MECOM: variants seen among roughly 807,000 people sequenced by gnomAD.
The protein encoded by MECOM is MDS1 and EVI1 complex locus.
MECOM carries 13 observed loss-of-function variants against 116.3 expected under a neutral mutation model. The observed-to-expected ratio is 0.11, with a 90% CI of 0.07 to 0.18. The LOEUF (loss-of-function observed/expected upper bound fraction) is 0.18, where lower values mean the gene tolerates loss of function less well. Among genes scored for constraint, MECOM ranks in the 10% least tolerant of loss-of-function variants. MECOM has a pLI of 1.00. For missense variants in MECOM, 1,299 were observed against 1,509.0 expected, an observed-to-expected ratio of 0.86 and a Z score of 2.31; for synonymous variants, 528 against 535.2, an observed-to-expected ratio of 0.99 and a Z score of 0.19.
intron 2 of MECOM, among the ~76,000 whole-genome samples, chr3:169,335,532 G>T (rs1433069897): frequency 6.6e-6 from 1 of 152,076 alleles, no homozygotes; most frequent in African/African-American, 2.4e-5. Context: ...TTGTTCCAGG[G>T]AAAGCAGAGA....
intron 1 of MECOM, among the ~76,000 whole-genome samples, chr3:169,574,582 C>T (rs976032865): frequency 3.9e-5 from 6 of 152,310 alleles, no homozygotes; most frequent in African/African-American, 1.4e-4. Flanking sequence ...GGTAATTTCA[C>T]TTTTTGTGAC....
At chr3:169,547,721 C>T (rs995742172) in intron 1 of MECOM, among the ~76,000 whole-genome samples, 1 of 152,066 alleles carries the variant, frequency 6.6e-6, no homozygotes, top group Non-Finnish European at 1.5e-5. Context: ...CTAGATCATC[C>T]TGGATTTAGG....
chr3:169,249,207 T>C (rs1288841182), intron 2 of MECOM, among the ~76,000 whole-genome samples: 2 of 152,152 alleles, frequency 1.3e-5, no homozygotes, highest in Non-Finnish European at 2.9e-5. Context: ...AATGAACCAA[T>C]AAACACCTAA....
intron 1 of MECOM, among the ~76,000 whole-genome samples, chr3:169,601,101 G>A (rs1767784089): frequency 6.6e-6 from 1 of 152,186 alleles, no homozygotes; most frequent in Non-Finnish European, 1.5e-5. Flanking sequence ...ATGAAAGCCA[G>A]GAAGACTCTT....
At chr3:169,404,705 G>C (rs375158152) in intron 1 of MECOM, among the ~76,000 whole-genome samples, 1 of 152,198 alleles carries the variant, frequency 6.6e-6, no homozygotes, top group Non-Finnish European at 1.5e-5. Context: ...ACGCAGAGAA[G>C]GCTCTGGCCA....
At chr3:169,181,096 A>G (rs1324538888) in intron 2 of MECOM, among the ~76,000 whole-genome samples, 1 of 152,072 alleles carries the variant, frequency 6.6e-6, no homozygotes, top group Non-Finnish European at 1.5e-5. Flanking sequence ...ACATACTATT[A>G]TTAATCACAC....
intron 3 of MECOM, among the ~76,000 whole-genome samples, chr3:169,138,061 G>C (rs767113273): frequency 2.6e-5 from 4 of 152,050 alleles, no homozygotes; most frequent in South Asian, 2.1e-4. Flanking sequence ...AAGCTAAAAA[G>C]ATCATCTTTG....
rs9822917 is a variant in MECOM, at chr3:169,143,605, G to A, written c.510+93C>T. 4.9e-3 allele frequency: 6,121 copies of A among 1,240,252 alleles called. 138 individuals carry two copies. In the African/African-American group the frequency reaches 0.06, roughly 12 times the overall value. The allele number at this position is 1,240,252 out of a possible 1,614,324, so 76.8% of individuals were successfully genotyped here. A position where few individuals can be genotyped will look rare whatever the true frequency, so the allele number is the denominator to read the frequency against. ...CACAATATCAACAAACAGGCCACAA[G>A]GGTCTACTGCAGCTTACTGTTATTT... On this transcript the variant is annotated intron_variant, in intron 3 of 16. Transcript: ENST00000651503.
intron 1 of MECOM, among the ~76,000 whole-genome samples, chr3:169,389,061 T>C (rs992105256): frequency 6.6e-6 from 1 of 152,200 alleles, no homozygotes; most frequent in African/African-American, 2.4e-5. Flanking sequence ...CGGCATACTG[T>C]TGCATGTCCT....
At chr3:169,360,316 C>CA (rs1728040595) in intron 2 of MECOM, among the ~76,000 whole-genome samples, 2 of 58,874 alleles carry the variant, frequency 3.4e-5, no homozygotes, top group Non-Finnish European at 6.9e-5. Context: ...AAAAAAGTTA[C>CA]ACCAAAAAAA....
intron 1 of MECOM, among the ~76,000 whole-genome samples, chr3:169,491,064 C>T (rs1002601106): frequency 8.6e-5 from 13 of 152,000 alleles, no homozygotes; most frequent in African/African-American, 2.9e-4. Context: ...CCTTACGTTG[C>T]CCAAACCAGT....
chr3:169,604,985 A>C (rs1019927104), intron 1 of MECOM, among the ~76,000 whole-genome samples: 2 of 152,182 alleles, frequency 1.3e-5, no homozygotes. Context: ...GCTTGATATT[A>C]TCTAAAGGGC....
chr3:169,172,053 T>C (rs1340555000), intron 2 of MECOM, among the ~76,000 whole-genome samples: 2 of 151,886 alleles, frequency 1.3e-5, no homozygotes, highest in African/African-American at 4.8e-5. Flanking sequence ...TAGAAAGAAC[T>C]GAGGAATAAA....
At chr3:169,299,569 G>T (rs943149313) in intron 2 of MECOM, among the ~76,000 whole-genome samples, 2 of 152,132 alleles carry the variant, frequency 1.3e-5, no homozygotes, top group Non-Finnish European at 1.5e-5. Flanking sequence ...ACCCCAGTCA[G>T]ACCAGACAGA....
At chr3:169,294,334 G>A (rs939099434) in intron 2 of MECOM, among the ~76,000 whole-genome samples, 6 of 152,148 alleles carry the variant, frequency 3.9e-5, no homozygotes, top group African/African-American at 1.4e-4. Context: ...TTCTGGGAGA[G>A]TTTGCAATTT....
At chr3:169,644,020 C>A (rs1448801575) in intron 1 of MECOM, among the ~76,000 whole-genome samples, 1 of 152,102 alleles carries the variant, frequency 6.6e-6, no homozygotes, top group African/African-American at 2.4e-5. Flanking sequence ...AAAACTTACC[C>A]TCATCTTCCT....
At chr3:169,183,128 T>C (rs747896017) in intron 2 of MECOM, among the ~76,000 whole-genome samples, 4 of 152,200 alleles carry the variant, frequency 2.6e-5, no homozygotes, top group Non-Finnish European at 4.4e-5. Flanking sequence ...AAGTCAAGCA[T>C]ATAGCACATT....
chr3:169,503,661 A>T (rs1206164828), intron 1 of MECOM, among the ~76,000 whole-genome samples: 1 of 152,164 alleles, frequency 6.6e-6, no homozygotes, highest in Admixed American at 6.5e-5. Flanking sequence ...TACATCTCAA[A>T]CTCAATAGCC....
At chr3:169,398,391 C>T (rs1207886698) in intron 1 of MECOM, among the ~76,000 whole-genome samples, 1 of 152,100 alleles carries the variant, frequency 6.6e-6, no homozygotes, top group Non-Finnish European at 1.5e-5. Context: ...GATTGAAGAA[C>T]ATATCATACA....
Sources: allele counts gnomAD v4.1 joint callset (sites outside exome capture counted in the v4.1 genomes callset), GRCh38; gene constraint gnomAD v4.1.1; transcripts MANE v1.5; gene names NCBI Gene and HGNC (gene_info 2026-07-23, HGNC 2026-07-21).